The following CDH12 variants were observed in gnomAD, a reference collection of about 807,000 sequenced individuals.
The protein encoded by CDH12 is cadherin-12.
Under a neutral mutation model 74.1 loss-of-function variants are expected in CDH12, and 41 were observed. The ratio of observed to expected loss-of-function variants is 0.55; its 90% CI spans 0.43 to 0.72. The LOEUF (loss-of-function observed/expected upper bound fraction) is 0.72, where lower values mean the gene tolerates loss of function less well. Ranked by LOEUF, CDH12 falls within the 30% of genes least tolerant of loss-of-function variation. The probability of loss-of-function intolerance (pLI) is 0.00; values close to 1 mark genes in which losing one functional copy is unlikely to be tolerated. For synonymous variants in CDH12, 399 were observed against 355.0 expected, an observed-to-expected ratio of 1.12 and a Z score of -1.39; for missense variants, 945 against 977.2, an observed-to-expected ratio of 0.97 and a Z score of 0.44.
intron 3 of CDH12, among the ~76,000 whole-genome samples, chr5:22,239,699 C>T (rs1309206551): frequency 6.6e-6 from 1 of 152,124 alleles, no homozygotes; most frequent in African/African-American, 2.4e-5. Context: ...AAGAAACATA[C>T]TATTTCAGGT....
At chr5:22,098,135 T>C (rs893687605) in intron 4 of CDH12, among the ~76,000 whole-genome samples, 1 of 151,660 alleles carries the variant, frequency 6.6e-6, no homozygotes, top group African/African-American at 2.4e-5. Context: ...CCAGCCTCTC[T>C]TTGCTTTCAC....
chr5:22,808,164 A>T (rs1748916166), intron 1 of CDH12, among the ~76,000 whole-genome samples: 1 of 152,176 alleles, frequency 6.6e-6, no homozygotes, highest in Non-Finnish European at 1.5e-5. Flanking sequence ...TGTGGTCTAT[A>T]TTATGTGAGG....
At chr5:22,138,875 T>TATATATATATAC (rs1256794399) in intron 4 of CDH12, among the ~76,000 whole-genome samples, 15 of 137,678 alleles carry the variant, frequency 1.1e-4, no homozygotes, top group African/African-American at 3.2e-4. Flanking sequence ...TATATATATA[T>TATATATATATAC]ACATGTTGGA....
chr5:21,810,771 G>T (rs903964179), intron 9 of CDH12, among the ~76,000 whole-genome samples: 3 of 151,996 alleles, frequency 2.0e-5, no homozygotes, highest in African/African-American at 7.2e-5. Context: ...CTTTAATTAG[G>T]TACATTAGCG....
At chr5:22,041,880 T>C (rs892446442) in intron 5 of CDH12, among the ~76,000 whole-genome samples, 7 of 152,160 alleles carry the variant, frequency 4.6e-5, no homozygotes, top group African/African-American at 1.7e-4. Flanking sequence ...ACATGAAACA[T>C]TCTCCAGGAT....
At chr5:22,649,835 A>T (rs1331217415) in intron 1 of CDH12, among the ~76,000 whole-genome samples, 1 of 151,982 alleles carries the variant, frequency 6.6e-6, no homozygotes, top group Non-Finnish European at 1.5e-5. Context: ...TCAATTCTAT[A>T]CAAAAAACAT....
chr5:22,263,549 T>C (rs919779574), intron 3 of CDH12, among the ~76,000 whole-genome samples: 9 of 152,096 alleles, frequency 5.9e-5, no homozygotes, highest in Non-Finnish European at 8.8e-5. Flanking sequence ...CTTAAAAACA[T>C]CCTGGCCATT....
intron 1 of CDH12, among the ~76,000 whole-genome samples, chr5:22,768,908 C>G (rs1181444640): frequency 6.6e-6 from 1 of 152,098 alleles, no homozygotes; most frequent in Non-Finnish European, 1.5e-5. Context: ...CTTCTAATAT[C>G]ATTATTTTAT....
chr5:22,502,861 C>T (rs1215779908), intron 2 of CDH12, among the ~76,000 whole-genome samples: 3 of 152,162 alleles, frequency 2.0e-5, no homozygotes, highest in African/African-American at 7.2e-5. Flanking sequence ...ATTTGACACA[C>T]ATTTCATTCT....
chr5:22,294,493 C>A (rs566189182), intron 3 of CDH12, among the ~76,000 whole-genome samples: 1 of 152,240 alleles, frequency 6.6e-6, no homozygotes, highest in South Asian at 2.1e-4. Context: ...CAGGGAAAGG[C>A]ATGAATGCTT....
At chr5:21,864,071 T>C (rs1725533258) in intron 6 of CDH12, among the ~76,000 whole-genome samples, 1 of 152,158 alleles carries the variant, frequency 6.6e-6, no homozygotes, top group African/African-American at 2.4e-5. Flanking sequence ...TAAAAAATTG[T>C]ACATTCTATT....
At chr5:22,664,721 C>T (rs1174744378) in intron 1 of CDH12, among the ~76,000 whole-genome samples, 1 of 152,142 alleles carries the variant, frequency 6.6e-6, no homozygotes, top group South Asian at 2.1e-4. Context: ...TTGTTATACC[C>T]ATTCTACATA....
chr5:22,391,632 A>T (rs1359168886), intron 3 of CDH12, among the ~76,000 whole-genome samples: 1 of 152,184 alleles, frequency 6.6e-6, no homozygotes, highest in Non-Finnish European at 1.5e-5. Context: ...CAATGGAATT[A>T]GTGCCCTACC....
Position 22,565,884 on chromosome 5 carries a change from A to C in CDH12, c.-522-60520T>G, listed in dbSNP as rs1345278540. 3.9e-5 allele frequency among the ~76,000 whole-genome samples: 6 copies of C among 152,180 alleles called. No homozygotes were observed. In the South Asian group the frequency reaches 6.2e-4, roughly 16 times the overall value. ...TTTTATCAGGACACAAAAAACAACAAAATTCTATGAAGCCATAAGAAGTAA... is the reference window on the plus strand; with the variant it reads ...TTTTATCAGGACACAAAAAACAACACAATTCTATGAAGCCATAAGAAGTAA... On this transcript the variant is annotated intron_variant, in intron 1 of 14. Coordinates refer to ENST00000382254, the MANE Select transcript of CDH12 (RefSeq NM_004061.5).
At chr5:22,477,219 C>T (rs951476070) in intron 2 of CDH12, among the ~76,000 whole-genome samples, 2 of 152,134 alleles carry the variant, frequency 1.3e-5, no homozygotes, top group East Asian at 1.9e-4. Flanking sequence ...ACCCCTTAGA[C>T]GTTTTCCCAA....
chr5:22,766,476 C>T (rs144927491), intron 1 of CDH12, among the ~76,000 whole-genome samples: 264 of 152,138 alleles, frequency 1.7e-3, no homozygotes, highest in African/African-American at 6.1e-3. Flanking sequence ...ATGACAATGT[C>T]AGATGGCAGA....
chr5:21,922,443 C>A (rs1265795970), intron 6 of CDH12, among the ~76,000 whole-genome samples: 1 of 152,106 alleles, frequency 6.6e-6, no homozygotes, highest in Non-Finnish European at 1.5e-5. Flanking sequence ...AAACCTACAT[C>A]TGCTTACCAA....
chr5:22,327,436 G>C (rs1325476376), intron 3 of CDH12, among the ~76,000 whole-genome samples: 3 of 124,490 alleles, frequency 2.4e-5, no homozygotes. Flanking sequence ...CTCTGTGTGT[G>C]TGTGTGTGTG....
At chr5:22,171,623 C>T (rs1171330012) in intron 4 of CDH12, among the ~76,000 whole-genome samples, 1 of 151,844 alleles carries the variant, frequency 6.6e-6, no homozygotes, top group Non-Finnish European at 1.5e-5. Context: ...ATGATATATC[C>T]CCACTTTTTA....
Sources: gnomAD v4.1 joint callset for allele counts (sites outside exome capture counted in the v4.1 genomes callset) on GRCh38, gnomAD v4.1.1 for gene constraint, MANE v1.5 for transcripts, NCBI Gene and HGNC (gene_info 2026-07-23, HGNC 2026-07-21) for gene names.